CCDC102B: variants seen among roughly 807,000 people sequenced by gnomAD.
CCDC102B encodes the protein coiled-coil domain-containing protein 102B.
Under a neutral mutation model 57.4 loss-of-function variants are expected in CCDC102B, and 75 were observed. That is an observed-to-expected ratio of 1.31 (90% CI 1.08 to 1.58). The LOEUF (loss-of-function observed/expected upper bound fraction) is 1.58, where lower values mean the gene tolerates loss of function less well. Among genes scored for constraint, CCDC102B ranks in the 40% most tolerant of loss-of-function variants. CCDC102B has a pLI of 0.00. For missense variants in CCDC102B, 636 were observed against 582.6 expected, an observed-to-expected ratio of 1.09 and a Z score of -0.94; for synonymous variants, 206 against 201.9, an observed-to-expected ratio of 1.02 and a Z score of -0.17.
intron 1 of CCDC102B, among the ~76,000 whole-genome samples, chr18:68,834,923 A>G (rs1260109341): frequency 6.6e-6 from 1 of 152,054 alleles, no homozygotes; most frequent in African/African-American, 2.4e-5. Context: ...CTGTAACTAT[A>G]TAAAAGCAGA....
intron 2 of CCDC102B, among the ~76,000 whole-genome samples, chr18:68,775,971 C>T (rs779573800): frequency 6.6e-6 from 1 of 152,056 alleles, no homozygotes; most frequent in Non-Finnish European, 1.5e-5. Context: ...TTTATTAATT[C>T]ATGATATGCA....
intron 6 of CCDC102B, among the ~76,000 whole-genome samples, chr18:69,004,407 C>T (rs1023137494): frequency 6.6e-6 from 1 of 152,084 alleles, no homozygotes; most frequent in Non-Finnish European, 1.5e-5. Flanking sequence ...GGAACAAGTC[C>T]TTTATACTTC....
intron 7 of CCDC102B, among the ~76,000 whole-genome samples, chr18:69,021,049 T>A (rs1353952574): frequency 6.6e-6 from 1 of 152,250 alleles, no homozygotes; most frequent in African/African-American, 2.4e-5. Context: ...ACAGCTTAGC[T>A]AATTCTGGCT....
chr18:68,993,892 C>T (rs1284335641), intron 6 of CCDC102B, among the ~76,000 whole-genome samples: 1 of 152,134 alleles, frequency 6.6e-6, no homozygotes, highest in Non-Finnish European at 1.5e-5. Flanking sequence ...CTTACCTTCC[C>T]ATAGTGTACG....
intron 7 of CCDC102B, among the ~76,000 whole-genome samples, chr18:69,021,593 T>C (rs2051834257): frequency 6.6e-6 from 1 of 152,236 alleles, no homozygotes; most frequent in African/African-American, 2.4e-5. Flanking sequence ...GTATATACAG[T>C]TGAATGTAAC....
chr18:68,728,702 T>C (rs1246960753), intron 2 of CCDC102B, among the ~76,000 whole-genome samples: 1 of 152,194 alleles, frequency 6.6e-6, no homozygotes, highest in Non-Finnish European at 1.5e-5. Flanking sequence ...AACACCAGGA[T>C]ACACAATAAG....
At chr18:68,719,413 A>C (rs1490272244) in intron 2 of CCDC102B, among the ~76,000 whole-genome samples, 1 of 152,210 alleles carries the variant, frequency 6.6e-6, no homozygotes, top group African/African-American at 2.4e-5. Context: ...AGGGGTCCAA[A>C]GGCCTGAAAA....
intron 7 of CCDC102B, among the ~76,000 whole-genome samples, chr18:69,014,059 G>T (rs990093736): frequency 1.3e-5 from 2 of 151,996 alleles, no homozygotes; most frequent in African/African-American, 4.8e-5. Flanking sequence ...TCTATTCAAG[G>T]TAACTGTAAG....
At chr18:68,794,505 G>A (rs2035564536), upstream of CCDC102B, among the ~76,000 whole-genome samples, 1 of 152,016 alleles carries the variant, frequency 6.6e-6, no homozygotes, top group East Asian at 1.9e-4. Flanking sequence ...AAGGGAGAAA[G>A]GATACTGGGT....
At chr18:68,817,530 A>C (rs1266757690) in intron 1 of CCDC102B, among the ~76,000 whole-genome samples, 1 of 152,240 alleles carries the variant, frequency 6.6e-6, no homozygotes, top group South Asian at 2.1e-4. Context: ...AAGAAGATGA[A>C]GGAAGTGGTT....
chr18:68,882,202 A>G (rs2039716472), intron 5 of CCDC102B, among the ~76,000 whole-genome samples: 1 of 152,228 alleles, frequency 6.6e-6, no homozygotes, highest in African/African-American at 2.4e-5. Context: ...CAAGACAATT[A>G]TTGTTACCAC....
chr18:68,752,568 C>T (rs937007306), intron 2 of CCDC102B, among the ~76,000 whole-genome samples: 1 of 150,588 alleles, frequency 6.6e-6, no homozygotes, highest in South Asian at 2.1e-4. Context: ...CCCCTGCCTT[C>T]GTCCAATAGG....
intron 1 of CCDC102B, among the ~76,000 whole-genome samples, chr18:68,827,747 G>C (rs1408420980): frequency 6.6e-6 from 1 of 151,840 alleles, no homozygotes; most frequent in African/African-American, 2.4e-5. Flanking sequence ...CAAAAAGCAT[G>C]AGCAAGTTAT....
intron 5 of CCDC102B, among the ~76,000 whole-genome samples, chr18:68,881,230 C>T (rs1322739213): frequency 6.6e-6 from 1 of 152,078 alleles, no homozygotes; most frequent in Non-Finnish European, 1.5e-5. Flanking sequence ...TATGTGCATC[C>T]TTGTCTTAAA....
intron 7 of CCDC102B, among the ~76,000 whole-genome samples, chr18:69,041,741 T>TG (rs2052440581): frequency 6.6e-6 from 1 of 152,122 alleles, no homozygotes; most frequent in Non-Finnish European, 1.5e-5. Context: ...ATTGACCTTT[T>TG]GCATAGTGTT....
intron 3 of CCDC102B, among the ~76,000 whole-genome samples, chr18:68,841,537 T>C (rs2037630473): frequency 6.6e-6 from 1 of 152,128 alleles, no homozygotes; most frequent in Admixed American, 6.5e-5. Flanking sequence ...TACCTAAACA[T>C]TTGGGAAGCT....
At chr18:69,016,953 G>A (rs1416967846) in intron 7 of CCDC102B, among the ~76,000 whole-genome samples, 3 of 152,086 alleles carry the variant, frequency 2.0e-5, no homozygotes, top group Non-Finnish European at 4.4e-5. Context: ...AATACTGACT[G>A]TATCTAATGG....
intron 3 of CCDC102B, among the ~76,000 whole-genome samples, chr18:68,839,691 C>T (rs545569103): frequency 2.8e-4 from 43 of 152,210 alleles, no homozygotes; most frequent in Admixed American, 7.9e-4. Context: ...CAGTCCATCT[C>T]GGTTTTCATC....
At chr18:68,849,766 T>C (rs907101343) in intron 4 of CCDC102B, among the ~76,000 whole-genome samples, 2 of 152,074 alleles carry the variant, frequency 1.3e-5, no homozygotes, top group African/African-American at 2.4e-5. Context: ...TTTCCTACCC[T>C]AACTGCTGTA....
Sources: gnomAD v4.1 joint callset for allele counts (sites outside exome capture counted in the v4.1 genomes callset) on GRCh38, gnomAD v4.1.1 for gene constraint, MANE v1.5 for transcripts, NCBI Gene and HGNC (gene_info 2026-07-23, HGNC 2026-07-21) for gene names.